Variants in FANCA observed in about 807,000 individuals in gnomAD.
The protein encoded by FANCA is FA complementation group A.
Under a neutral mutation model 194.3 loss-of-function variants are expected in FANCA, and 236 were observed. That is an observed-to-expected ratio of 1.21 (90% confidence interval 1.09 to 1.35). The LOEUF (loss-of-function observed/expected upper bound fraction) is 1.35, where lower values mean the gene tolerates loss of function less well. FANCA is among the 40% of genes most tolerant of loss of function. The probability of loss-of-function intolerance (pLI) is 0.00; values close to 1 mark genes in which losing one functional copy is unlikely to be tolerated. For synonymous variants in FANCA, 1,014 were observed against 715.8 expected (o/e 1.42, Z -6.65); for missense variants, 2,628 against 1,813.9 (o/e 1.45, Z -8.15).
chr16:89,755,152 G>A (rs562311210), intron 30 of FANCA, among the ~76,000 whole-genome samples: 28 of 152,156 alleles, frequency 1.8e-4, no homozygotes, highest in African/African-American at 6.7e-4. Flanking sequence ...TCAACAAATG[G>A]TGCTGGGACA....
At chr16:89,780,081 G>A (rs1167401566) in intron 17 of FANCA, 124 bp from the exon 18 acceptor site, 2 of 858,444 alleles carry the variant, frequency 2.3e-6, no homozygotes, top group Admixed American at 2.0e-5. Context: ...AAAGGTAAAG[G>A]CCCACATGCT....
At chr16:89,799,535 G>A in intron 9 of FANCA, 70 bp downstream of exon 9, 1 of 1,424,464 alleles carries the variant, frequency 7.0e-7, no homozygotes, top group Non-Finnish European at 9.9e-7. Context: ...TGGAAAGGCA[G>A]AAAACTGATA....
chr16:89,808,390 CA>C (rs769167274), intron 5 of FANCA, 23 bp from the exon 6 acceptor site: 7 of 1,609,478 alleles, frequency 4.3e-6, no homozygotes, highest in East Asian at 4.5e-5. Context: ...ACAAAACAAA[CA>C]AAAACAAAAA....
chr16:89,816,056 G>A (rs780239135), intron 1 of FANCA, 70 bp from the exon 2 acceptor site: 16 of 1,192,128 alleles, frequency 1.3e-5, no homozygotes, highest in African/African-American at 4.5e-5. Context: ...CCGACGCGCA[G>A]GTGGACGCCG....
Position 89,767,226 on chromosome 16 carries a change from G to A in FANCA, c.2516C>T (p.Ala839Val), listed in dbSNP as rs779690926. 1.2e-6 allele frequency: 2 copies of A among 1,611,406 alleles called. No homozygotes were observed. Among genetic ancestry groups the A allele is most frequent in the Non-Finnish European group, 1.7e-6 (2 of 1,177,672 alleles). ...CTTGCAGAGAGAGTAAGAAATTGCT[G>A]CTGTACAAAATCTGAAAACAGAAAT... The part of the protein sequence containing the change: ...SLFFCLKFCT[A>V]AISYSLCKFS... Residue 839 changes from alanine to valine, a missense_variant, in exon 27 of 43, where the codon GCA becomes GTA. Physicochemically the swap from Ala to Val is moderately conservative, Grantham distance 64. Transcript: ENST00000389301.
rs2062032155 is a variant in FANCA at position 89,738,712 on chromosome 16, T to A, written c.4261-4A>T. 9 of 1,613,676 alleles carry A rather than the reference T, an allele frequency of 5.6e-6. No homozygotes were observed. The highest frequency in any genetic ancestry group is 1.7e-5 in the Admixed American group (1 of 59,980). On this transcript the variant is annotated splice_polypyrimidine_tract_variant and splice_region_variant and intron_variant, in intron 42 of 42. Transcript: ENST00000389301. Reference sequence around the variant, plus strand: ...AGTCCCCACGATCAGCCAGCAGCTGTGAGAGAGGAGCAGGTCCTCAGCCCA... The same window carrying A: ...AGTCCCCACGATCAGCCAGCAGCTGAGAGAGAGGAGCAGGTCCTCAGCCCA...
Position 89,738,120 on chromosome 16 carries a change from G to A in FANCA, c.*481C>T. The stretch of plus-strand genomic sequence containing the variant: ...AGGCCCACAACCTCAATGTACACAT[G>A]TCCATGGTGCACCCGCTGACACAGA... On this transcript the variant is annotated 3_prime_UTR_variant, in exon 43 of 43. Transcript: ENST00000389301. The A allele has an allele frequency of 1.9e-6, 3 of 1,613,862 alleles. No individual in the cohort carries two copies. The highest frequency in any genetic ancestry group is 2.5e-6 in the Non-Finnish European group (3 of 1,180,022).
intron 19 of FANCA, 45 bp from the exon 20 acceptor site, chr16:89,778,895 C>T: frequency 1.9e-6 from 3 of 1,613,992 alleles, no homozygotes; most frequent in Non-Finnish European, 2.5e-6. Context: ...AAGGAAAGTC[C>T]TTGCTTTCTA....
Position 89,740,076 on chromosome 16 carries a change from A to G in FANCA, c.3852T>C (p.Ala1284=), listed in dbSNP as rs1336742102. 1.2e-6 allele frequency: 2 copies of G among 1,614,186 alleles called. No homozygotes were observed. Among genetic ancestry groups the G allele is most frequent in the Non-Finnish European group, 1.7e-6 (2 of 1,180,032 alleles). The change falls in exon 39 of 43, where the codon GCT becomes GCC. Residue 1284 remains alanine, a synonymous_variant. Coordinates refer to ENST00000389301, the MANE Select transcript of FANCA (RefSeq NM_000135.4). ...TSNSTTDLPK[A]FHVCAAILEC... is the part of the protein sequence containing the mutation. ...CGAGGATTGCTGCACAAACGTGGAAAGCCTTTGGCAGGTCTGTGGTGCTCT... is the reference window on the plus strand; with the variant it reads ...CGAGGATTGCTGCACAAACGTGGAAGGCCTTTGGCAGGTCTGTGGTGCTCT...
Position 89,815,985 on chromosome 16 carries a change from C to G in FANCA, c.81G>C (p.Ala27=). The change falls in exon 2 of 43, where the codon GCG becomes GCC. Residue 27 remains alanine, a splice_region_variant and synonymous_variant. Transcript: ENST00000389301. ...TATATTTTTCCCTCTTGACCCTTCC[C>G]GCTACGGAGAGAAGTCGGTTCGAAA... is the stretch of plus-strand genomic sequence containing the variant. The part of the protein sequence containing the change: ...GRRRAWAELL[A]GRVKREKYNP... 14 of 1,612,014 alleles carry G rather than the reference C, an allele frequency of 8.7e-6. No homozygotes were observed. Among genetic ancestry groups the G allele is most frequent in the Non-Finnish European group, 1.1e-5 (13 of 1,178,138 alleles).
chr16:89,791,776 A>G lies in FANCA; in HGVS notation c.1225+151T>C, dbSNP rs6500451. The G allele has an allele frequency of 0.97, 1,047,147 of 1,084,982 alleles. 505,462 individuals are homozygous for G. The highest frequency in any genetic ancestry group is 1 in the East Asian group (39,497 of 39,500). 67.2% of individuals were successfully genotyped at this position (1,084,982 alleles called of 1,614,324 possible). A position where few individuals can be genotyped will look rare whatever the true frequency, so the allele number is the denominator to read the frequency against. On this transcript the variant is annotated intron_variant, in intron 13 of 42. Transcript: ENST00000389301. Reference sequence around the variant, plus strand: ...GTCAGTGCTTATGGAAGCGTCTGACAAAGAATGTTCCATCGACAGGAGGCA... The same window carrying G: ...GTCAGTGCTTATGGAAGCGTCTGACGAAGAATGTTCCATCGACAGGAGGCA...
In FANCA at chr16:89,792,097, T is replaced by C. The variant is rs6500452; in HGVS notation, c.1084-29A>G. 0.36 allele frequency: 576,575 copies of C among 1,613,442 alleles called. 113,492 individuals carry two copies. The highest frequency in any genetic ancestry group is 0.81 in the East Asian group (36,311 of 44,872). ...AAATAAAAGCATCCGCTCCCTTCAA[T>C]ATCCAAGCAAACCAATGTGCGACAG... On this transcript the variant is annotated intron_variant, in intron 12 of 42. Coordinates refer to ENST00000389301, the MANE Select transcript of FANCA (RefSeq NM_000135.4).
Position 89,739,067 on chromosome 16 carries a change from C to G in FANCA, c.4167+66G>C, listed in dbSNP as rs766314322. ...AGTCTGCATGCTGTGCCGGAACATT[C>G]TTTGGCAGAAGGAGCCTCCGGCTGG... is the stretch of plus-strand genomic sequence containing the variant. On this transcript the variant is annotated intron_variant, in intron 41 of 42. Transcript: ENST00000389301. 15 of 1,613,846 alleles carry G rather than the reference C, an allele frequency of 9.3e-6. No homozygotes were observed. The South Asian group carries it at 1.2e-4, about 13-fold the overall frequency.
chr16:89,749,141 G>C (rs1442450938), intron 32 of FANCA, among the ~76,000 whole-genome samples: 2 of 152,144 alleles, frequency 1.3e-5, no homozygotes, highest in African/African-American at 2.4e-5. Flanking sequence ...AGCCGCCGTG[G>C]GCATTTCTGA....
Position 89,796,025 on chromosome 16 carries a change from A to C in FANCA, c.894-7T>G. 6.2e-7 allele frequency: 1 copy of C among 1,611,016 alleles called. No homozygotes were observed. Among genetic ancestry groups the C allele is most frequent in the Non-Finnish European group, 8.5e-7 (1 of 1,177,176 alleles). On this transcript the variant is annotated splice_region_variant and splice_polypyrimidine_tract_variant and intron_variant, in intron 10 of 42. Transcript: ENST00000389301. ...TCCACTGAACACTCCGAACCTGCCA[A>C]TGCAGCAGAAAGAGGGGTCAGGAAA...
At chr16:89,799,893 C>T (rs1318248840) in intron 8 of FANCA, among the ~76,000 whole-genome samples, 1 of 152,194 alleles carries the variant, frequency 6.6e-6, no homozygotes, top group Non-Finnish European at 1.5e-5. Flanking sequence ...ACTCGGGAGG[C>T]TGAGGCAGGA....
rs751780074 is a variant in FANCA, at chr16:89,815,857, G to A, written c.189+20C>T. 1.2e-5 allele frequency: 19 copies of A among 1,576,606 alleles called. No homozygotes were observed. Among genetic ancestry groups the A allele is most frequent in the South Asian group, 2.2e-5 (2 of 90,372 alleles). ...CCCGAACCTAAATCTGCCCGCAGAC[G>A]GACACCAGCTTCCTCTTACCTCAAG... is the stretch of plus-strand genomic sequence containing the variant. On this transcript the variant is annotated intron_variant, in intron 2 of 42. Coordinates refer to ENST00000389301, the MANE Select transcript of FANCA (RefSeq NM_000135.4).
intron 30 of FANCA, among the ~76,000 whole-genome samples, chr16:89,755,796 G>A (rs1365788433): frequency 6.6e-6 from 1 of 152,130 alleles, no homozygotes; most frequent in Non-Finnish European, 1.5e-5. Flanking sequence ...GTTTCATCAC[G>A]TGAACATCCA....
rs917807211 is a variant in FANCA at position 89,742,606 on chromosome 16, G to C, written c.3765+194C>G. 3.6e-5 allele frequency among the ~76,000 whole-genome samples: 5 copies of C among 138,472 alleles called. No individual in the cohort carries two copies. In the South Asian group the frequency reaches 6.8e-4, roughly 19 times the overall value. 90.8% of individuals were successfully genotyped at this position (138,472 alleles called of 152,430 possible). A position where few individuals can be genotyped will look rare whatever the true frequency, so the allele number is the denominator to read the frequency against. ...GGGAGGATCACGGGGTCAGGAGATC[G>C]AGACCATCCTGGCTAACACAGTGAA... is the stretch of plus-strand genomic sequence containing the variant. On this transcript the variant is annotated intron_variant, in intron 37 of 42. Coordinates refer to ENST00000389301, the MANE Select transcript of FANCA (RefSeq NM_000135.4).
Sources: allele counts gnomAD v4.1 joint callset (sites outside exome capture counted in the v4.1 genomes callset), GRCh38; gene constraint gnomAD v4.1.1; transcripts MANE v1.5; gene names NCBI Gene and HGNC (gene_info 2026-07-23, HGNC 2026-07-21).